ADAMTS3: variants seen among roughly 807,000 people sequenced by gnomAD.
The protein encoded by ADAMTS3 is A disintegrin and metalloproteinase with thrombospondin motifs 3.
In ADAMTS3, 73 loss-of-function variants were observed where a neutral mutation model predicts 129.0. That is an observed-to-expected ratio of 0.57 (90% CI 0.47 to 0.69). ADAMTS3 has a LOEUF of 0.69. ADAMTS3 is among the 30% of genes least tolerant of loss of function. The pLI, the probability that ADAMTS3 is intolerant of heterozygous loss-of-function variation, is 0.00. For missense variants in ADAMTS3, 1,457 were observed against 1,514.5 expected (o/e 0.96, Z 0.63); for synonymous variants, 477 against 510.8 (o/e 0.93, Z 0.89).
At chr4:72,420,124 AG>A (rs1408613764) in intron 3 of ADAMTS3, among the ~76,000 whole-genome samples, 6 of 152,112 alleles carry the variant, frequency 3.9e-5, no homozygotes, top group Admixed American at 3.9e-4. Context: ...AAACTTTCGA[AG>A]GTCTCCCCTT....
chr4:72,356,349 A>C (rs1411073427), intron 4 of ADAMTS3, among the ~76,000 whole-genome samples: 2 of 152,050 alleles, frequency 1.3e-5, no homozygotes, highest in East Asian at 3.9e-4. Flanking sequence ...TTATCATAAT[A>C]TACACAGAGG....
At chr4:72,411,598 A>G (rs1196294790) in intron 4 of ADAMTS3, among the ~76,000 whole-genome samples, 1 of 151,998 alleles carries the variant, frequency 6.6e-6, no homozygotes, top group African/African-American at 2.4e-5. Context: ...TCCCTACCAC[A>G]AGAAATGTTT....
At chr4:72,509,345 T>A (rs1216149136) in intron 3 of ADAMTS3, among the ~76,000 whole-genome samples, 1 of 151,854 alleles carries the variant, frequency 6.6e-6, no homozygotes, top group Non-Finnish European at 1.5e-5. Context: ...AAAATTGGGT[T>A]TTTGAAAAGT....
chr4:72,439,011 C>A (rs370670954), intron 3 of ADAMTS3, among the ~76,000 whole-genome samples: 5 of 151,584 alleles, frequency 3.3e-5, no homozygotes, highest in Non-Finnish European at 5.9e-5. Context: ...TTAATAGTAA[C>A]GTAATAATTT....
chr4:72,446,562 C>A (rs1212100368), intron 3 of ADAMTS3, among the ~76,000 whole-genome samples: 2 of 151,342 alleles, frequency 1.3e-5, no homozygotes, highest in African/African-American at 4.8e-5. Context: ...CATGGAAAAC[C>A]AATAAAAAAC....
Position 72,288,871 on chromosome 4 carries a change from G to A in ADAMTS3, c.2932-3C>T. On this transcript the variant is annotated splice_region_variant and splice_polypyrimidine_tract_variant and intron_variant, in intron 20 of 21. Coordinates refer to ENST00000286657, the MANE Select transcript of ADAMTS3 (RefSeq NM_014243.3). The stretch of plus-strand genomic sequence containing the variant: ...CCTTCACCGCAGGTCACTGAACACT[G>A]CAGAGACAAAGGCTGTGGTTACAGA... The A allele has an allele frequency of 6.3e-7, 1 of 1,586,174 alleles. No individual in the cohort carries two copies. Among genetic ancestry groups the A allele is most frequent in the Non-Finnish European group, 8.6e-7 (1 of 1,160,904 alleles).
chr4:72,335,589 A>G (rs550856928), intron 5 of ADAMTS3, among the ~76,000 whole-genome samples: 2 of 152,108 alleles, frequency 1.3e-5, no homozygotes, highest in Non-Finnish European at 2.9e-5. Flanking sequence ...TCTTTTTTTA[A>G]TGATTAGCTT....
chr4:72,482,803 A>G (rs1464394924), intron 3 of ADAMTS3, among the ~76,000 whole-genome samples: 1 of 152,186 alleles, frequency 6.6e-6, no homozygotes. Flanking sequence ...GTCTTCAGAT[A>G]ATACAGATTC....
intron 2 of ADAMTS3, among the ~76,000 whole-genome samples, chr4:72,563,062 T>A (rs1721942008): frequency 6.6e-6 from 1 of 152,166 alleles, no homozygotes; most frequent in Non-Finnish European, 1.5e-5. Flanking sequence ...TTTAAGATCA[T>A]CATTCTGGAA....
intron 5 of ADAMTS3, among the ~76,000 whole-genome samples, chr4:72,330,228 A>G (rs1022151120): frequency 5.9e-5 from 9 of 152,052 alleles, no homozygotes; most frequent in African/African-American, 2.2e-4. Flanking sequence ...CATGTTGGCC[A>G]GGCTGGTCTC....
intron 4 of ADAMTS3, among the ~76,000 whole-genome samples, chr4:72,395,748 C>T (rs558483585): frequency 6.6e-6 from 1 of 152,022 alleles, no homozygotes; most frequent in African/African-American, 2.4e-5. Flanking sequence ...AAATTTATAG[C>T]TCCATGAAAG....
intron 5 of ADAMTS3, among the ~76,000 whole-genome samples, chr4:72,324,555 A>C (rs755731037): frequency 3.3e-5 from 5 of 152,228 alleles, no homozygotes; most frequent in Non-Finnish European, 7.3e-5. Context: ...ACACACATAC[A>C]TTTATACATA....
rs781595824 is a variant in ADAMTS3 at position 72,283,528 on chromosome 4, G to T, written c.3226C>A (p.Pro1076Thr). 2 of 1,613,996 alleles carry T rather than the reference G, an allele frequency of 1.2e-6. No individual in the cohort carries two copies. Among genetic ancestry groups the T allele is most frequent in the East Asian group, 4.5e-5 (2 of 44,852 alleles). Reference protein sequence around the residue: ...AETHDDVISNPSDLPRSLVMP... With the variant: ...AETHDDVISNTSDLPRSLVMP... ...ACTAGAGATCTAGGGAGGTCACTAG[G>T]GTTAGAGATGACATCATCATGAGTT... Residue 1076 changes from proline (P) to threonine (T), a missense_variant, in exon 22 of 22, where the codon CCT (proline) becomes ACT (threonine). Transcript: ENST00000286657.
intron 2 of ADAMTS3, among the ~76,000 whole-genome samples, chr4:72,550,000 G>A (rs788905): frequency 0.065 from 632 of 9,682 alleles, 135 homozygotes; most frequent in African/African-American, 0.11. Flanking sequence ...AAGAGGAAGA[G>A]GAAGAAGAAG....
chr4:72,431,844 GA>G (rs1722706428), intron 3 of ADAMTS3, among the ~76,000 whole-genome samples: 1 of 151,866 alleles, frequency 6.6e-6, no homozygotes, highest in African/African-American at 2.4e-5. Context: ...AAATAACCAA[GA>G]AAGAGCCCAC....
chr4:72,312,494 C>T (rs987507387), intron 12 of ADAMTS3, 28 bp from the exon 13 acceptor site: 1 of 1,609,504 alleles, frequency 6.2e-7, no homozygotes, highest in Non-Finnish European at 8.5e-7. Context: ...TTTAAAAAGG[C>T]CTTTTGGCTT....
chr4:72,369,743 TAAAC>T (rs1049229800), intron 4 of ADAMTS3, among the ~76,000 whole-genome samples: 7 of 132,986 alleles, frequency 5.3e-5, no homozygotes, highest in South Asian at 2.3e-4. Context: ...AAAAAAAAAA[TAAAC>T]AGACAAAGTA....
intron 3 of ADAMTS3, among the ~76,000 whole-genome samples, chr4:72,504,107 A>G (rs1271542677): frequency 5.3e-5 from 8 of 152,116 alleles, no homozygotes; most frequent in African/African-American, 2.4e-5. Flanking sequence ...TAATATTGAT[A>G]TGTGAGGTTT....
chr4:72,450,089 A>T (rs554220782), intron 3 of ADAMTS3, among the ~76,000 whole-genome samples: 6 of 151,828 alleles, frequency 4.0e-5, no homozygotes, highest in African/African-American at 1.4e-4. Flanking sequence ...AGTGCCAAAC[A>T]TAACTTCTTA....
Sources: gnomAD v4.1 joint callset for allele counts (sites outside exome capture counted in the v4.1 genomes callset) on GRCh38, gnomAD v4.1.1 for gene constraint, MANE v1.5 for transcripts, NCBI Gene and HGNC (gene_info 2026-07-23, HGNC 2026-07-21) for gene names.